SDK1: variants seen among roughly 807,000 people sequenced by gnomAD.
SDK1 encodes sidekick cell adhesion molecule 1.
SDK1 carries 157 observed loss-of-function variants against 245.5 expected under a neutral mutation model. The ratio of observed to expected loss-of-function variants is 0.64; its 90% CI spans 0.56 to 0.73. SDK1 has a LOEUF of 0.73. Among genes scored for constraint, SDK1 ranks in the 30% least tolerant of loss-of-function variants. The pLI, the probability that SDK1 is intolerant of heterozygous loss-of-function variation, is 0.00. For missense variants in SDK1, 3,583 were observed against 3,002.3 expected (o/e 1.19, Z -4.52); for synonymous variants, 1,647 against 1,278.5 (o/e 1.29, Z -6.15).
At chr7:3,623,245 CTT>C (rs1183056855) in intron 2 of SDK1, among the ~76,000 whole-genome samples, 13 of 117,972 alleles carry the variant, frequency 1.1e-4, no homozygotes, top group Admixed American at 1.9e-4. Context: ...TGTTGTATTT[CTT>C]TTTTTTTTTT....
Position 4,046,845 on chromosome 7 carries a change from C to T in SDK1, c.2603-2503C>T, listed in dbSNP as rs182392100. On this transcript the variant is annotated intron_variant, in intron 17 of 44. Coordinates refer to ENST00000404826, the MANE Select transcript of SDK1 (RefSeq NM_152744.4). ...ATTTTTTTTTTTTCTTTTTTGAGAGCGGGTCTTGCTCTGTAACCCAGGCTG... is the reference window on the plus strand; with the variant it reads ...ATTTTTTTTTTTTCTTTTTTGAGAGTGGGTCTTGCTCTGTAACCCAGGCTG... 3.9e-3 allele frequency among the ~76,000 whole-genome samples: 578 copies of T among 149,836 alleles called. 3 individuals are homozygous for T. The highest frequency in any genetic ancestry group is 0.014 in the African/African-American group (558 of 40,620).
At chr7:3,848,971 G>A (rs1356097030) in intron 5 of SDK1, among the ~76,000 whole-genome samples, 1 of 152,134 alleles carries the variant, frequency 6.6e-6, no homozygotes, top group Non-Finnish European at 1.5e-5. Context: ...CGCCCGGCCT[G>A]GAGTTTTCTT....
rs1269038659 is a variant in SDK1, at chr7:3,619,209, G to C, written c.428G>C (p.Ser143Thr). ...GAGTTCAAGTGGATGCGCGATGACA[G>C]TGAGCTCACCACCTACAGCAGCGAA... ...PLEFKWMRDD[S>T]ELTTYSSEYK... The change falls in exon 2 of 45, where the codon AGT becomes ACT. Residue 143 changes from serine to threonine, a missense_variant. Ser to Thr is a moderately conservative substitution (Grantham distance 58, BLOSUM62 1). Coordinates refer to ENST00000404826, the MANE Select transcript of SDK1 (RefSeq NM_152744.4). 8 of 1,612,940 alleles carry C rather than the reference G, an allele frequency of 5.0e-6. No homozygotes were observed. Among genetic ancestry groups the C allele is most frequent in the African/African-American group, 1.3e-5 (1 of 74,906 alleles).
At chr7:3,571,595 C>T (rs867406485) in intron 1 of SDK1, among the ~76,000 whole-genome samples, 3 of 152,088 alleles carry the variant, frequency 2.0e-5, no homozygotes, top group Non-Finnish European at 4.4e-5. Context: ...TGAGCCACGA[C>T]ATCTGGCCTG....
At chr7:3,649,555 C>G (rs934861622) in intron 4 of SDK1, among the ~76,000 whole-genome samples, 1 of 152,048 alleles carries the variant, frequency 6.6e-6, no homozygotes, top group African/African-American at 2.4e-5. Flanking sequence ...AACATCATTT[C>G]TGTGGTATTC....
intron 1 of SDK1, among the ~76,000 whole-genome samples, chr7:3,501,378 G>GAAA (rs11320383): frequency 2.2e-5 from 3 of 135,986 alleles, no homozygotes; most frequent in African/African-American, 5.0e-5. Flanking sequence ...TCAGGAAAAA[G>GAAA]AAAAAAAAAA....
At chr7:3,811,726 G>A (rs1259605196) in intron 4 of SDK1, among the ~76,000 whole-genome samples, 1 of 152,176 alleles carries the variant, frequency 6.6e-6, no homozygotes, top group Admixed American at 6.5e-5. Context: ...GAAGCCCCCG[G>A]CCAGAGCTCC....
chr7:3,888,511 G>A (rs1467482830), intron 5 of SDK1, among the ~76,000 whole-genome samples: 3 of 152,224 alleles, frequency 2.0e-5, no homozygotes, highest in East Asian at 1.9e-4. Context: ...CAATGGTGAT[G>A]CGTTAATAGA....
chr7:3,861,246 G>T (rs939167755), intron 5 of SDK1, among the ~76,000 whole-genome samples: 1 of 152,188 alleles, frequency 6.6e-6, no homozygotes, highest in African/African-American at 2.4e-5. Context: ...ATATGCAAAG[G>T]TCAGTGAAGC....
Position 4,158,544 on chromosome 7 carries a change from G to A in SDK1, c.4722G>A (p.Leu1574=). The A allele has an allele frequency of 6.2e-7, 1 of 1,612,376 alleles. No individual in the cohort carries two copies. The highest frequency in any genetic ancestry group is 8.5e-7 in the Non-Finnish European group (1 of 1,179,010). ...FSSETEAVTT[L]QDVPGEPPGS... is the part of the protein sequence containing the mutation. ...CAGAGACAGAGGCGGTGACCACGCT[G>A]CAGGATGGTGAGCAACCCGGGGCCC... The change falls in exon 31 of 45, where the codon CTG becomes CTA. Residue 1574 remains leucine, a synonymous_variant. Coordinates refer to ENST00000404826, the MANE Select transcript of SDK1 (RefSeq NM_152744.4).
chr7:3,675,743 G>A (rs527962079), intron 4 of SDK1, among the ~76,000 whole-genome samples: 1 of 152,246 alleles, frequency 6.6e-6, no homozygotes, highest in Non-Finnish European at 1.5e-5. Flanking sequence ...TGCCCAGGCT[G>A]GTTATGAATT....
chr7:4,177,424 C>A (rs965973702), intron 34 of SDK1, among the ~76,000 whole-genome samples: 1 of 152,242 alleles, frequency 6.6e-6, no homozygotes. Context: ...TGGTGCTTGG[C>A]CCCCTGCCCT....
chr7:3,812,249 A>G (rs1272646750), intron 4 of SDK1, among the ~76,000 whole-genome samples: 1 of 152,264 alleles, frequency 6.6e-6, no homozygotes, highest in Non-Finnish European at 1.5e-5. Flanking sequence ...AAATGCAAAT[A>G]CAAATACTTA....
intron 14 of SDK1, among the ~76,000 whole-genome samples, chr7:3,998,507 C>T (rs535444494): frequency 3.9e-5 from 6 of 152,230 alleles, no homozygotes; most frequent in Middle Eastern, 6.8e-3. Flanking sequence ...AATACCCCTA[C>T]GTTTATGTGA....
chr7:3,949,961 G>A (rs1297226011), intron 5 of SDK1, among the ~76,000 whole-genome samples: 2 of 152,212 alleles, frequency 1.3e-5, no homozygotes, highest in African/African-American at 4.8e-5. Flanking sequence ...TGACACCCAT[G>A]CCTAACGTAG....
rs994330546 is a variant in SDK1, at chr7:3,698,355, G to A, written c.713+56250G>A. On this transcript the variant is annotated intron_variant, in intron 4 of 44. Transcript: ENST00000404826. ...GGTGTGGTCACGCGTTCCCTCTCAC[G>A]GTATTGGAGAGAGCACCTGAGGCGC... Among the ~76,000 whole-genome samples, 6 of 152,260 alleles carry A rather than the reference G, an allele frequency of 3.9e-5. No individual in the cohort carries two copies. The South Asian group carries it at 6.2e-4, about 16-fold the overall frequency.
intron 5 of SDK1, among the ~76,000 whole-genome samples, chr7:3,918,650 C>A (rs1464522609): frequency 6.6e-6 from 1 of 152,256 alleles, no homozygotes; most frequent in East Asian, 1.9e-4. Context: ...CATCCTGAAA[C>A]CATCCCCCCG....
intron 3 of SDK1, 54 bp from the exon 4 acceptor site, chr7:3,641,904 T>TCCCTC (rs1439735729): frequency 6.6e-7 from 1 of 1,505,242 alleles, no homozygotes; most frequent in African/African-American, 1.4e-5. Context: ...TGTGACCCCT[T>TCCCTC]CCCTCCCCCA....
chr7:3,315,815 G>A (rs1244844582), intron 1 of SDK1, among the ~76,000 whole-genome samples: 1 of 152,166 alleles, frequency 6.6e-6, no homozygotes, highest in African/African-American at 2.4e-5. Context: ...GCATTAATGG[G>A]AACCTGGGAT....
Sources: allele counts gnomAD v4.1 joint callset (sites outside exome capture counted in the v4.1 genomes callset), GRCh38; gene constraint gnomAD v4.1.1; transcripts MANE v1.5; gene names NCBI Gene and HGNC (gene_info 2026-07-23, HGNC 2026-07-21).